The following FAM13B variants were observed in gnomAD, a reference collection of about 807,000 sequenced individuals.
FAM13B encodes the protein protein FAM13B.
Under a neutral mutation model 117.3 loss-of-function variants are expected in FAM13B, and 60 were observed. That is an observed-to-expected ratio of 0.51 (90% CI 0.42 to 0.63). The LOEUF (loss-of-function observed/expected upper bound fraction) is 0.63, where lower values mean the gene tolerates loss of function less well. FAM13B is among the 30% of genes least tolerant of loss of function. The probability of loss-of-function intolerance (pLI) is 0.00; values close to 1 mark genes in which losing one functional copy is unlikely to be tolerated. For missense variants in FAM13B, 972 were observed against 1,091.9 expected (o/e 0.89, Z 1.55); for synonymous variants, 332 against 356.1 (o/e 0.93, Z 0.76).
chr5:138,032,974 C>T lies in FAM13B; in HGVS notation c.-395G>A, dbSNP rs1790567607. On this transcript the variant is annotated 5_prime_UTR_variant, in exon 1 of 24. Transcript: ENST00000689681. ...CCCGGTAAGCGACCCCCCGGATACC[C>T]CCGGCGGTGGTGGCGACGCAGACGC... The T allele has an allele frequency of 1.0e-6, 1 of 986,412 alleles. No individual in the cohort carries two copies. The highest frequency in any genetic ancestry group is 1.2e-6 in the Non-Finnish European group (1 of 830,752). The allele number at this position is 986,412 out of a possible 1,614,324, so 61.1% of individuals were successfully genotyped here. A position where few individuals can be genotyped will look rare whatever the true frequency, so the allele number is the denominator to read the frequency against.
At chr5:138,024,771 A>G (rs565731150) in intron 1 of FAM13B, among the ~76,000 whole-genome samples, 4 of 151,846 alleles carry the variant, frequency 2.6e-5, no homozygotes, top group African/African-American at 9.7e-5. Context: ...GCATACTGTT[A>G]TAAATCTAAA....
At chr5:137,970,164 T>G (rs1229054092) in intron 10 of FAM13B, among the ~76,000 whole-genome samples, 1 of 151,596 alleles carries the variant, frequency 6.6e-6, no homozygotes, top group South Asian at 2.1e-4. Flanking sequence ...ATTGTCAGAT[T>G]CACCAAAGTT....
chr5:137,945,836 T>C (rs1328380914), intron 20 of FAM13B, 66 bp downstream of exon 20: 1 of 1,187,502 alleles, frequency 8.4e-7, no homozygotes, highest in Non-Finnish European at 1.2e-6. Context: ...ACCACAATAA[T>C]AATTTTTTTT....
chr5:138,000,934 AAC>A (rs1349310307), intron 7 of FAM13B, among the ~76,000 whole-genome samples: 9 of 72,558 alleles, frequency 1.2e-4, no homozygotes, highest in African/African-American at 2.3e-4. Flanking sequence ...TGTCTCAAAA[AAC>A]AAAAAACAAA....
At chr5:138,030,739 C>A (rs1581308909) in intron 1 of FAM13B, among the ~76,000 whole-genome samples, 1 of 122,386 alleles carries the variant, frequency 8.2e-6, no homozygotes, top group Non-Finnish European at 1.7e-5. Context: ...AAAAATTGAA[C>A]GTAAGGCTGG....
In FAM13B at chr5:137,938,058, T is replaced by G. The variant is rs933375330; in HGVS notation, c.*2167A>C. On this transcript the variant is annotated 3_prime_UTR_variant, in exon 24 of 24. Transcript: ENST00000689681. ...GTGGACATATATATCTATATATTAT[T>G]TGTATATAGATATACAGTTTTTATT... 3.3e-5 allele frequency: 5 copies of G among 152,222 alleles called. No homozygotes were observed. Among genetic ancestry groups the G allele is most frequent in the Admixed American group, 1.3e-4 (2 of 15,276 alleles). 9.4% of individuals were successfully genotyped at this position (152,222 alleles called of 1,614,324 possible).
At chr5:137,974,353 G>T (rs1463105328) in intron 10 of FAM13B, among the ~76,000 whole-genome samples, 2 of 149,442 alleles carry the variant, frequency 1.3e-5, no homozygotes, top group African/African-American at 2.5e-5. Flanking sequence ...GTAAACTATC[G>T]CAAGAACAAA....
intron 1 of FAM13B, among the ~76,000 whole-genome samples, chr5:138,040,683 A>T (rs926917274): frequency 3.9e-5 from 6 of 152,248 alleles, no homozygotes; most frequent in African/African-American, 1.4e-4. Flanking sequence ...ATTCTGGAAG[A>T]CCAAAACTTG....
chr5:138,020,850 A>C lies in FAM13B; in HGVS notation c.-36+181T>G, dbSNP rs73301203. On this transcript the variant is annotated intron_variant, in intron 2 of 23. Transcript: ENST00000689681. ...CAACTTAAAAGAAAAAATTAACTTA[A>C]GGATAGCAAAATGCCATACATTTAC... 2,627 of 349,248 alleles carry C rather than the reference A, an allele frequency of 7.5e-3. 64 individuals carry two copies. The highest frequency in any genetic ancestry group is 0.048 in the African/African-American group (2,293 of 47,732). The allele number at this position is 349,248 out of a possible 1,614,324, so 21.6% of individuals were successfully genotyped here. A position where few individuals can be genotyped will look rare whatever the true frequency, so the allele number is the denominator to read the frequency against.
Position 137,942,970 on chromosome 5 carries a change from T to C in FAM13B, c.2493A>G (p.Val831=), listed in dbSNP as rs1293949819. 6.2e-7 allele frequency: 1 copy of C among 1,613,556 alleles called. No individual in the cohort carries two copies. Among genetic ancestry groups the C allele is most frequent in the South Asian group, 1.1e-5 (1 of 90,998 alleles). Residue 831 remains valine (V), a synonymous_variant, in exon 22 of 24, where the codon GTA becomes GTG. Transcript: ENST00000689681. ...LGDMLKTAVQ[V]QSSLENSESD... is the part of the protein sequence containing the mutation. ...ATTCAGAGTTTTCTAATGAAGACTG[T>C]ACCTGTACTGCAGTTTTCAACATAT...
chr5:138,032,976 C>T lies in FAM13B; in HGVS notation c.-397G>A, dbSNP rs13169420. 1.9e-5 allele frequency: 19 copies of T among 986,536 alleles called. No individual in the cohort carries two copies. The African/African-American group carries it at 3.3e-4, about 17-fold the overall frequency. The allele number at this position is 986,536 out of a possible 1,614,324, so 61.1% of individuals were successfully genotyped here. On this transcript the variant is annotated 5_prime_UTR_variant, in exon 1 of 24. Transcript: ENST00000689681. Reference sequence around the variant, plus strand: ...CGGTAAGCGACCCCCCGGATACCCCCGGCGGTGGTGGCGACGCAGACGCGG... The same window carrying T: ...CGGTAAGCGACCCCCCGGATACCCCTGGCGGTGGTGGCGACGCAGACGCGG...
chr5:138,034,995 CTTTTTTTTTTTTT>C (rs557807234), upstream of FAM13B, among the ~76,000 whole-genome samples: 138 of 34,390 alleles, frequency 4.0e-3, 1 homozygote, highest in Admixed American at 0.016. Flanking sequence ...ATTCCCTTGC[CTTTTTTTTTTTTT>C]TTTTTTTTTT....
chr5:138,028,999 G>A (rs1037111610), intron 1 of FAM13B, among the ~76,000 whole-genome samples: 2 of 151,984 alleles, frequency 1.3e-5, no homozygotes, highest in African/African-American at 2.4e-5. Context: ...CAGCCAGGGG[G>A]ACAAGAACGA....
At chr5:138,050,680 T>G (rs1791776725) in intron 1 of FAM13B, among the ~76,000 whole-genome samples, 1 of 152,166 alleles carries the variant, frequency 6.6e-6, no homozygotes, top group African/African-American at 2.4e-5. Flanking sequence ...TCTCCCATAC[T>G]GTCTACTGTC....
chr5:138,039,823 T>A (rs913151535), intron 1 of FAM13B: 1 of 152,158 alleles, frequency 6.6e-6, no homozygotes, highest in African/African-American at 2.4e-5. Flanking sequence ...CAGCTGTATT[T>A]TTTGCCAAAC....
upstream of FAM13B, among the ~76,000 whole-genome samples, chr5:138,035,844 C>T (rs1382535610): frequency 2.6e-5 from 4 of 152,114 alleles, no homozygotes; most frequent in East Asian, 7.7e-4. Context: ...TTTGACATTC[C>T]CTGGGCATGG....
intron 4 of FAM13B, among the ~76,000 whole-genome samples, chr5:138,015,263 A>G (rs1386378641): frequency 6.6e-6 from 1 of 152,236 alleles, no homozygotes; most frequent in Non-Finnish European, 1.5e-5. Context: ...GTTTAACCAC[A>G]CCAGTGGATG....
intron 1 of FAM13B, among the ~76,000 whole-genome samples, chr5:138,044,082 C>CT (rs1323493759): frequency 2.0e-5 from 3 of 151,860 alleles, no homozygotes; most frequent in Non-Finnish European, 1.5e-5. Flanking sequence ...TCACACCTAG[C>CT]TTTTTTTATG....
chr5:137,968,315 C>T (rs925780369), intron 10 of FAM13B, among the ~76,000 whole-genome samples: 1 of 150,410 alleles, frequency 6.6e-6, no homozygotes, highest in African/African-American at 2.4e-5. Flanking sequence ...GTGGCACACA[C>T]TTTTAATCCC....
Sources: allele counts gnomAD v4.1 joint callset (sites outside exome capture counted in the v4.1 genomes callset), GRCh38; gene constraint gnomAD v4.1.1; transcripts MANE v1.5; gene names NCBI Gene and HGNC (gene_info 2026-07-23, HGNC 2026-07-21).